Variants in FRMD5 observed in about 807,000 individuals in gnomAD.
FRMD5 encodes the protein FERM domain-containing protein 5.
Under a neutral mutation model 69.0 loss-of-function variants are expected in FRMD5, and 20 were observed. That is an observed-to-expected ratio of 0.29 (90% CI 0.20 to 0.42). The LOEUF (loss-of-function observed/expected upper bound fraction) is 0.42, where lower values mean the gene tolerates loss of function less well. FRMD5 is among the 10% of genes least tolerant of loss of function. The probability of loss-of-function intolerance (pLI) is 1.00; values close to 1 mark genes in which losing one functional copy is unlikely to be tolerated. For missense variants in FRMD5, 595 were observed against 708.6 expected (o/e 0.84, Z 1.82); for synonymous variants, 271 against 260.1 (o/e 1.04, Z -0.40).
chr15:43,966,630 G>C (rs765341419), intron 1 of FRMD5, among the ~76,000 whole-genome samples: 1 of 152,114 alleles, frequency 6.6e-6, no homozygotes, highest in Non-Finnish European at 1.5e-5. Flanking sequence ...TCTAGACAGG[G>C]AGAAAAGTAG....
chr15:43,918,378 C>T (rs868051114), intron 4 of FRMD5, among the ~76,000 whole-genome samples: 8 of 152,148 alleles, frequency 5.3e-5, no homozygotes, highest in Non-Finnish European at 5.9e-5. Flanking sequence ...GAGCTGAGAT[C>T]GCGCCACTGC....
intron 1 of FRMD5, among the ~76,000 whole-genome samples, chr15:43,966,010 G>T (rs1234854839): frequency 6.6e-6 from 1 of 152,144 alleles, no homozygotes; most frequent in Non-Finnish European, 1.5e-5. Flanking sequence ...TAATGAAAGT[G>T]CCTGCTGCAT....
At chr15:43,973,593 C>G (rs2090420870) in intron 1 of FRMD5, among the ~76,000 whole-genome samples, 1 of 151,912 alleles carries the variant, frequency 6.6e-6, no homozygotes. Flanking sequence ...GTCTCGAACT[C>G]CTGACCCCAG....
At chr15:44,000,848 C>G (rs1890179539) in intron 1 of FRMD5, among the ~76,000 whole-genome samples, 1 of 151,522 alleles carries the variant, frequency 6.6e-6, no homozygotes, top group Admixed American at 6.6e-5. Flanking sequence ...GGGTCTCACT[C>G]TGTTGCCCAG....
chr15:44,137,178 T>A (rs914038986), intron 1 of FRMD5, among the ~76,000 whole-genome samples: 1 of 152,182 alleles, frequency 6.6e-6, no homozygotes, highest in African/African-American at 2.4e-5. Flanking sequence ...TCTGCCACCA[T>A]CGGAAAGCTT....
At chr15:44,028,350 G>A (rs1409847008) in intron 1 of FRMD5, among the ~76,000 whole-genome samples, 3 of 152,190 alleles carry the variant, frequency 2.0e-5, no homozygotes, top group African/African-American at 7.2e-5. Context: ...TATGCGAGAT[G>A]GAAGTGCAGC....
At position 43,999,975 on chromosome 15, in the gene FRMD5, T is replaced by TGCC. The variant is rs1360180765; in HGVS notation, c.103-75667_103-75666insGGC. ...ATGCATATATATATATATATATATA[T>TGCC]ATATATATATATATGTGCCATGATT... On this transcript the variant is annotated intron_variant, in intron 1 of 13. Transcript: ENST00000417257. Among the ~76,000 whole-genome samples the TGCC allele has an allele frequency of 2.8e-3, 198 of 69,640 alleles. 4 individuals carry two copies. The highest frequency in any genetic ancestry group is 9.2e-3 in the African/African-American group (193 of 20,958). 45.7% of individuals were successfully genotyped at this position (69,640 alleles called of 152,430 possible).
At chr15:44,035,171 G>A (rs558164521) in intron 1 of FRMD5, among the ~76,000 whole-genome samples, 6 of 152,218 alleles carry the variant, frequency 3.9e-5, no homozygotes, top group African/African-American at 9.6e-5. Flanking sequence ...TGACTCTTCC[G>A]GGGCTAAGTC....
At chr15:44,170,278 A>G (rs969193607) in intron 1 of FRMD5, among the ~76,000 whole-genome samples, 19 of 152,190 alleles carry the variant, frequency 1.2e-4, no homozygotes, top group African/African-American at 4.6e-4. Context: ...TAATACCAGC[A>G]CTGGGAGGCC....
chr15:44,118,017 C>CTTT (rs2076895392), intron 1 of FRMD5, among the ~76,000 whole-genome samples: 1 of 72,376 alleles, frequency 1.4e-5, no homozygotes, highest in African/African-American at 1.0e-4. Context: ...TTTTTTTTTG[C>CTTT]CACTGTTCTT....
Position 44,035,877 on chromosome 15 carries a change from C to T in FRMD5, c.103-111568G>A, listed in dbSNP as rs1164359957. Among the ~76,000 whole-genome samples, 3 of 152,246 alleles carry T rather than the reference C, an allele frequency of 2.0e-5. No homozygotes were observed. In the East Asian group the frequency reaches 5.8e-4, roughly 29 times the overall value. ...AAGGTGACATCAGGTACTTTGTATT[C>T]ATCAGCTGGGAGGTTTTTATTTTGT... On this transcript the variant is annotated intron_variant, in intron 1 of 13. Transcript: ENST00000417257.
At chr15:44,010,577 G>T (rs1380731540) in intron 1 of FRMD5, among the ~76,000 whole-genome samples, 1 of 151,962 alleles carries the variant, frequency 6.6e-6, no homozygotes, top group Non-Finnish European at 1.5e-5. Context: ...TAGAGACAGG[G>T]TTTCACCATG....
intron 1 of FRMD5, among the ~76,000 whole-genome samples, chr15:44,155,342 G>A (rs2077510151): frequency 6.6e-6 from 1 of 151,830 alleles, no homozygotes; most frequent in Non-Finnish European, 1.5e-5. Context: ...TGAGGCACAA[G>A]AATTGCTTGA....
chr15:44,075,250 C>A (rs1893709492), intron 1 of FRMD5, among the ~76,000 whole-genome samples: 1 of 152,120 alleles, frequency 6.6e-6, no homozygotes, highest in African/African-American at 2.4e-5. Context: ...TGAACATCAA[C>A]AATTTTAATG....
At chr15:44,001,184 G>A (rs1243562100) in intron 1 of FRMD5, among the ~76,000 whole-genome samples, 1 of 152,076 alleles carries the variant, frequency 6.6e-6, no homozygotes, top group African/African-American at 2.4e-5. Flanking sequence ...TCATATACTT[G>A]TTGACCATTT....
At position 43,976,219 on chromosome 15, in the gene FRMD5, C is replaced by G. The variant is rs578215836; in HGVS notation, c.103-51910G>C. On this transcript the variant is annotated intron_variant, in intron 1 of 13. Coordinates refer to ENST00000417257, the MANE Select transcript of FRMD5 (RefSeq NM_032892.5). ...GTAACCTTGGATTAGGCAAATACTTCTTAAATATAACACCAAAAACACAAC... is the reference window on the plus strand; with the variant it reads ...GTAACCTTGGATTAGGCAAATACTTGTTAAATATAACACCAAAAACACAAC... 3.6e-4 allele frequency among the ~76,000 whole-genome samples: 55 copies of G among 151,790 alleles called. 1 individual carries two copies. The South Asian group carries it at 0.011, about 32-fold the overall frequency.
At chr15:44,199,045 C>T (rs1176114348), upstream of FRMD5, among the ~76,000 whole-genome samples, 1 of 152,172 alleles carries the variant, frequency 6.6e-6, no homozygotes. Flanking sequence ...CGTGTCTCTG[C>T]TTCAGATATT....
intron 7 of FRMD5, among the ~76,000 whole-genome samples, chr15:43,894,783 C>G (rs1417237799): frequency 6.6e-6 from 1 of 152,150 alleles, no homozygotes; most frequent in Non-Finnish European, 1.5e-5. Flanking sequence ...GGTGCGGGCT[C>G]TTGGTCAAAC....
chr15:44,012,398 C>T (rs1890757874), intron 1 of FRMD5, among the ~76,000 whole-genome samples: 1 of 152,166 alleles, frequency 6.6e-6, no homozygotes, highest in Admixed American at 6.5e-5. Flanking sequence ...TAGTAAGAAG[C>T]TTTCTTAGAA....
Sources: gnomAD v4.1 joint callset for allele counts (sites outside exome capture counted in the v4.1 genomes callset) on GRCh38, gnomAD v4.1.1 for gene constraint, MANE v1.5 for transcripts, NCBI Gene and HGNC (gene_info 2026-07-23, HGNC 2026-07-21) for gene names.